HEXA: variants seen among roughly 807,000 people sequenced by gnomAD.
HEXA encodes the protein hexosaminidase subunit alpha, also known as beta-hexosaminidase subunit alpha.
Under a neutral mutation model 73.3 loss-of-function variants are expected in HEXA, and 54 were observed. The ratio of observed to expected loss-of-function variants is 0.74; its 90% CI spans 0.59 to 0.92. The LOEUF (loss-of-function observed/expected upper bound fraction) is 0.92. HEXA is among the 40% of genes least tolerant of loss of function. HEXA has a pLI of 0.00. For missense variants in HEXA, 649 were observed against 653.0 expected, an observed-to-expected ratio of 0.99 and a Z score of 0.07; for synonymous variants, 230 against 246.9, an observed-to-expected ratio of 0.93 and a Z score of 0.64.
chr15:72,370,126 A>G (rs1215174763), intron 1 of HEXA: 1 of 150,132 alleles, frequency 6.7e-6, no homozygotes, highest in Non-Finnish European at 1.5e-5. Context: ...AGGAAGTAGC[A>G]GCAACAGCTT....
intron 1 of HEXA, among the ~76,000 whole-genome samples, chr15:72,367,341 G>C (rs1188622977): frequency 2.0e-5 from 3 of 152,142 alleles, no homozygotes; most frequent in Non-Finnish European, 4.4e-5. Flanking sequence ...AAACTGCTAA[G>C]TCAGAAATCT....
intron 1 of HEXA, among the ~76,000 whole-genome samples, chr15:72,363,388 A>T (rs1302992708): frequency 6.6e-6 from 1 of 152,218 alleles, no homozygotes; most frequent in Admixed American, 6.5e-5. Context: ...TTGACGTTGA[A>T]GGGGACCTCT....
intron 5 of HEXA, 41 bp downstream of exon 5, chr15:72,353,027 T>C (rs2140326212): frequency 8.2e-7 from 1 of 1,212,652 alleles, no homozygotes; most frequent in Non-Finnish European, 1.2e-6. Flanking sequence ...TCCATCACCC[T>C]AGAACTCTTA....
intron 1 of HEXA, among the ~76,000 whole-genome samples, chr15:72,367,162 C>T (rs1296736046): frequency 6.6e-6 from 1 of 152,102 alleles, no homozygotes; most frequent in Non-Finnish European, 1.5e-5. Context: ...AGACTGGTCT[C>T]GAACTCTCGA....
chr15:72,353,025 C>T, intron 5 of HEXA, 43 bp downstream of exon 5: 1 of 1,186,190 alleles, frequency 8.4e-7, no homozygotes, highest in Non-Finnish European at 1.3e-6. Context: ...GCTCCATCAC[C>T]CTAGAACTCT....
rs797044433 is a variant in HEXA, at chr15:72,345,461, CG to C, written c.1510del (p.Arg504AlafsTer5). 5.6e-6 allele frequency: 9 copies of C among 1,614,170 alleles called. No individual in the cohort carries two copies. Among genetic ancestry groups the C allele is most frequent in the Non-Finnish European group, 7.6e-6 (9 of 1,180,016 alleles). The stretch of plus-strand genomic sequence containing the variant: ...GCTTGCTTACCTCAGCAATTCACAG[CG>C]GAAGTGTGACAAACGTTCATAGGCA... ...TFAYERLSHF[R>X]CELLRRGVQA... On this transcript the variant is annotated frameshift_variant, in exon 13 of 14. Transcript: ENST00000268097. LOFTEE classifies it high-confidence loss of function.
intron 10 of HEXA, among the ~76,000 whole-genome samples, chr15:72,347,399 T>A (rs992420589): frequency 2.0e-5 from 3 of 150,986 alleles, no homozygotes; most frequent in Admixed American, 1.3e-4. Flanking sequence ...AGCCTCCTGA[T>A]TTTTGTATTT....
chr15:72,371,363 T>C (rs968275655), intron 1 of HEXA, among the ~76,000 whole-genome samples: 3 of 151,800 alleles, frequency 2.0e-5, no homozygotes, highest in African/African-American at 4.8e-5. Context: ...TCCCAACACT[T>C]TGGGTGGCTG....
intron 7 of HEXA, 175 bp downstream of exon 7, chr15:72,350,343 G>C: frequency 2.7e-6 from 2 of 733,386 alleles, no homozygotes; most frequent in South Asian, 1.5e-5. Flanking sequence ...GTAAGAAGCA[G>C]CCTCCATTGT....
chr15:72,371,591 G>GAAAAAA (rs11299619), intron 1 of HEXA, among the ~76,000 whole-genome samples: 2 of 121,936 alleles, frequency 1.6e-5, no homozygotes, highest in African/African-American at 7.7e-5. Context: ...GTCTCTAAAA[G>GAAAAAA]AAAAAAAAAA....
At chr15:72,375,129 C>T (rs1468486104) in intron 1 of HEXA, among the ~76,000 whole-genome samples, 1 of 151,194 alleles carries the variant, frequency 6.6e-6, no homozygotes. Context: ...TGCTCTGTTG[C>T]CCAGGCTGGA....
At position 72,343,563 on chromosome 15, in the gene HEXA, T is replaced by G. The variant is rs911586170; in HGVS notation, c.*514A>C. The G allele has an allele frequency of 2.4e-4, 40 of 164,340 alleles. No homozygotes were observed. The highest frequency in any genetic ancestry group is 5.6e-4 in the Admixed American group (10 of 17,860). The allele number at this position is 164,340 out of a possible 1,614,324, so 10.2% of individuals were successfully genotyped here. ...AGTATGCATGGGGGAGAGGCTCTTC[T>G]GTGACCAGGTTGGGTCTGGAGCCCT... On this transcript the variant is annotated 3_prime_UTR_variant, in exon 14 of 14. Transcript: ENST00000268097.
In HEXA at chr15:72,342,865, C is replaced by G. The variant is rs538103580; in HGVS notation, c.*1212G>C. 2 of 151,862 alleles carry G rather than the reference C, an allele frequency of 1.3e-5. No individual in the cohort carries two copies. The highest frequency in any genetic ancestry group is 4.8e-5 in the African/African-American group (2 of 41,300). 9.4% of individuals were successfully genotyped at this position (151,862 alleles called of 1,614,324 possible). ...ACTTTGGGAGGCCAAGACAAGTGAA[C>G]ATCTGAGGTCATGAGTTCAAGACCA... On this transcript the variant is annotated 3_prime_UTR_variant, in exon 14 of 14. Transcript: ENST00000268097.
Position 72,341,947 on chromosome 15 carries a change from C to T in HEXA, c.*2130G>A, listed in dbSNP as rs1294148811. On this transcript the variant is annotated 3_prime_UTR_variant, in exon 14 of 14. Coordinates refer to ENST00000268097, the MANE Select transcript of HEXA (RefSeq NM_000520.6). Reference sequence around the variant, plus strand: ...AAATGACAGAACCCTACTGCTTTAACTCAAGTGTATCACGATCTCTGCCTT... The same window carrying T: ...AAATGACAGAACCCTACTGCTTTAATTCAAGTGTATCACGATCTCTGCCTT... 1 of 152,218 alleles carries T rather than the reference C, an allele frequency of 6.6e-6. No homozygotes were observed. The highest frequency in any genetic ancestry group is 1.5e-5 in the Non-Finnish European group (1 of 68,046). 9.4% of individuals were successfully genotyped at this position (152,218 alleles called of 1,614,324 possible).
At chr15:72,354,261 C>T (rs1413224140) in intron 3 of HEXA, 4 of 165,858 alleles carry the variant, frequency 2.4e-5, no homozygotes, top group Admixed American at 1.1e-4. Flanking sequence ...CACTCTTCCT[C>T]TTCAGAGTCT....
rs149121118 is a variant in HEXA at position 72,348,107 on chromosome 15, A to G, written c.1014T>C (p.Phe338=). The change falls in exon 9 of 14, where the codon TTT becomes TTC. Residue 338 remains phenylalanine, a synonymous_variant. Coordinates refer to ENST00000268097, the MANE Select transcript of HEXA (RefSeq NM_000520.6). The stretch of plus-strand genomic sequence containing the variant: ...CCTCACCGAAGCCTTTCTTCCTCAT[A>G]AAGTCCTGGATCTCTGGGTTGGACT... ...CWKSNPEIQD[F]MRKKGFGEDF... is the part of the protein sequence containing the mutation. 1.9e-6 allele frequency: 3 copies of G among 1,613,206 alleles called. No homozygotes were observed. The African/African-American group carries it at 4.0e-5, about 22-fold the overall frequency.
intron 2 of HEXA, 22 bp from the exon 3 acceptor site, chr15:72,355,646 C>T (rs1192520838): frequency 1.3e-6 from 2 of 1,551,168 alleles, no homozygotes; most frequent in Non-Finnish European, 1.8e-6. Context: ...GAAATGAACT[C>T]ATTTAGTTGG....
intron 12 of HEXA, 64 bp downstream of exon 12, chr15:72,346,171 G>T: frequency 8.4e-7 from 1 of 1,189,298 alleles, no homozygotes; most frequent in Non-Finnish European, 1.2e-6. Flanking sequence ...GATGGGATTG[G>T]GTCTCTAAGG....
intron 10 of HEXA, among the ~76,000 whole-genome samples, 192 bp downstream of exon 10, chr15:72,347,494 A>C (rs1242104148): frequency 6.6e-6 from 1 of 152,004 alleles, no homozygotes; most frequent in African/African-American, 2.4e-5. Flanking sequence ...TGGCCTACCA[A>C]AGTGCTTGGA....
Sources: allele counts gnomAD v4.1 joint callset (sites outside exome capture counted in the v4.1 genomes callset), GRCh38; gene constraint gnomAD v4.1.1; transcripts MANE v1.5; gene names NCBI Gene and HGNC (gene_info 2026-07-23, HGNC 2026-07-21).